PLA2G4A: variants seen among roughly 807,000 people sequenced by gnomAD.
The protein encoded by PLA2G4A is cytosolic phospholipase A2.
In PLA2G4A, 40 loss-of-function variants were observed where a neutral mutation model predicts 81.9. That is an observed-to-expected ratio of 0.49 (90% CI 0.38 to 0.64). The LOEUF (loss-of-function observed/expected upper bound fraction) is 0.64. Ranked by LOEUF, PLA2G4A falls within the 30% of genes least tolerant of loss-of-function variation. The pLI, the probability that PLA2G4A is intolerant of heterozygous loss-of-function variation, is 0.00. For missense variants in PLA2G4A, 715 were observed against 905.1 expected (o/e 0.79, Z 2.69); for synonymous variants, 302 against 296.9 (o/e 1.02, Z -0.18).
intron 15 of PLA2G4A, among the ~76,000 whole-genome samples, chr1:186,966,330 A>T (rs1310460721): frequency 1.3e-5 from 2 of 152,058 alleles, no homozygotes; most frequent in Non-Finnish European, 2.9e-5. Context: ...GAGATATAGG[A>T]TGAAGTCACA....
chr1:186,986,633 T>C (rs985044588), intron 17 of PLA2G4A, among the ~76,000 whole-genome samples: 6 of 152,242 alleles, frequency 3.9e-5, no homozygotes, highest in African/African-American at 1.4e-4. Flanking sequence ...TCATCACATA[T>C]TGTCAGTTTA....
chr1:186,975,373 T>A (rs1268134552), intron 15 of PLA2G4A, among the ~76,000 whole-genome samples: 5 of 152,232 alleles, frequency 3.3e-5, no homozygotes, highest in Admixed American at 3.3e-4. Flanking sequence ...TCATAAGTGG[T>A]GTTGAGAGAG....
chr1:186,888,445 G>A (rs887595239), intron 3 of PLA2G4A, among the ~76,000 whole-genome samples: 17 of 152,092 alleles, frequency 1.1e-4, no homozygotes, highest in Non-Finnish European at 2.4e-4. Flanking sequence ...GGGCCAAGTA[G>A]ACCTCACCCT....
intron 1 of PLA2G4A, among the ~76,000 whole-genome samples, chr1:186,843,939 A>G (rs1361884911): frequency 2.0e-5 from 3 of 152,212 alleles, no homozygotes; most frequent in African/African-American, 7.2e-5. Flanking sequence ...AATTATAATG[A>G]GATTTGAAGA....
rs2102231217 is a variant in PLA2G4A at position 186,945,581 on chromosome 1, G to A, written c.1034-1056G>A. On this transcript the variant is annotated intron_variant, in intron 10 of 17. Coordinates refer to ENST00000367466, the MANE Select transcript of PLA2G4A (RefSeq NM_024420.3). ...CAGTGGACAAATGGATAAGTGACCA[G>A]GTTCTAAACATACCTCGTGATAGAG... Among the ~76,000 whole-genome samples, 3 of 152,242 alleles carry A rather than the reference G, an allele frequency of 2.0e-5. 1 individual carries two copies. In the South Asian group the frequency reaches 6.2e-4, roughly 32 times the overall value.
chr1:186,852,908 G>C (rs1652423904), intron 1 of PLA2G4A, among the ~76,000 whole-genome samples: 1 of 151,936 alleles, frequency 6.6e-6, no homozygotes, highest in Admixed American at 6.6e-5. Flanking sequence ...TAGACTCATA[G>C]TTTGGCCTCA....
chr1:186,982,836 T>C (rs1451206791), intron 17 of PLA2G4A, among the ~76,000 whole-genome samples: 1 of 152,108 alleles, frequency 6.6e-6, no homozygotes, highest in African/African-American at 2.4e-5. Flanking sequence ...CCCAGCACTT[T>C]GGGAGGCTGA....
intron 8 of PLA2G4A, among the ~76,000 whole-genome samples, chr1:186,936,746 A>T (rs6691054): frequency 0.31 from 46,367 of 151,798 alleles, 9,613 homozygotes; most frequent in African/African-American, 0.58. Flanking sequence ...CTCTGGCATG[A>T]TTTAGATTTA....
chr1:186,914,338 G>A (rs1655066957), intron 7 of PLA2G4A, among the ~76,000 whole-genome samples: 1 of 148,266 alleles, frequency 6.7e-6, no homozygotes. Context: ...CTGAGCTCAA[G>A]CAACACTTCC....
intron 1 of PLA2G4A, among the ~76,000 whole-genome samples, chr1:186,847,414 C>G (rs889613492): frequency 1.3e-5 from 2 of 150,536 alleles, no homozygotes; most frequent in South Asian, 2.1e-4. Flanking sequence ...TAATTCTGCC[C>G]GGTTTTGTCA....
At chr1:186,900,635 G>T (rs546989853) in intron 5 of PLA2G4A, among the ~76,000 whole-genome samples, 1 of 152,286 alleles carries the variant, frequency 6.6e-6, no homozygotes, top group African/African-American at 2.4e-5. Context: ...ATTTTAAAGT[G>T]GGAAGGTCTA....
At chr1:186,932,656 T>G in intron 7 of PLA2G4A, 107 bp from the exon 8 acceptor site, 1 of 1,154,208 alleles carries the variant, frequency 8.7e-7, no homozygotes, top group Non-Finnish European at 1.3e-6. Flanking sequence ...TAACTTACAC[T>G]TCTTTGTGAC....
intron 7 of PLA2G4A, among the ~76,000 whole-genome samples, chr1:186,931,517 C>CTATTAT (rs3060324): frequency 1.4e-3 from 200 of 144,964 alleles, no homozygotes; most frequent in African/African-American, 2.5e-3. Flanking sequence ...AAAATGTTTG[C>CTATTAT]TATTATTATT....
Position 186,946,399 on chromosome 1 carries a change from T to C in PLA2G4A, c.1034-238T>C, listed in dbSNP as rs12720620. Among the ~76,000 whole-genome samples, 4 of 152,156 alleles carry C rather than the reference T, an allele frequency of 2.6e-5. No individual in the cohort carries two copies. In the East Asian group the frequency reaches 5.8e-4, roughly 22 times the overall value. On this transcript the variant is annotated intron_variant, in intron 10 of 17. Transcript: ENST00000367466. Reference sequence around the variant, plus strand: ...TTTAAATAGAAAAGTGCATCTAATTTCTGCAAATTAGAAGGGATCTTTTTG... The same window carrying C: ...TTTAAATAGAAAAGTGCATCTAATTCCTGCAAATTAGAAGGGATCTTTTTG...
chr1:186,889,365 A>G (rs6699070), intron 3 of PLA2G4A, among the ~76,000 whole-genome samples: 71,444 of 152,144 alleles, frequency 0.47, 18,991 homozygotes, highest in Middle Eastern at 0.6. Flanking sequence ...TATGCAGACA[A>G]TGGGTCTTCG....
intron 10 of PLA2G4A, among the ~76,000 whole-genome samples, chr1:186,943,707 T>C (rs1257417005): frequency 6.6e-6 from 1 of 152,144 alleles, no homozygotes; most frequent in Non-Finnish European, 1.5e-5. Context: ...GCCAGAGTTA[T>C]GTTTTGGGCA....
intron 1 of PLA2G4A, among the ~76,000 whole-genome samples, chr1:186,837,017 G>C (rs1247918467): frequency 6.6e-6 from 1 of 152,146 alleles, no homozygotes; most frequent in African/African-American, 2.4e-5. Flanking sequence ...TCCAGGCAGA[G>C]AGTGGCATTC....
In PLA2G4A at chr1:186,919,672, A is replaced by C. The variant is rs1655275242; in HGVS notation, c.558+8283A>C. Among the ~76,000 whole-genome samples the C allele has an allele frequency of 2.0e-5, 3 of 152,304 alleles. No homozygotes were observed. The South Asian group carries it at 6.2e-4, about 32-fold the overall frequency. On this transcript the variant is annotated intron_variant, in intron 7 of 17. Transcript: ENST00000367466. ...CCTGACTGCGGATCTTCCCACTGAA[A>C]GGCAAACAGCTTCTGGCTCTCAGGA...
chr1:186,840,288 CA>C (rs1255720686), intron 1 of PLA2G4A, among the ~76,000 whole-genome samples: 1 of 152,168 alleles, frequency 6.6e-6, no homozygotes, highest in Non-Finnish European at 1.5e-5. Flanking sequence ...CTACTCCCTT[CA>C]AGTGCATACA....
Sources: gnomAD v4.1 joint callset for allele counts (sites outside exome capture counted in the v4.1 genomes callset) on GRCh38, gnomAD v4.1.1 for gene constraint, MANE v1.5 for transcripts, NCBI Gene and HGNC (gene_info 2026-07-23, HGNC 2026-07-21) for gene names.